Variants in MAPK8IP3 observed in about 807,000 individuals in gnomAD.
MAPK8IP3 encodes mitogen-activated protein kinase 8 interacting protein 3.
Under a neutral mutation model 157.8 loss-of-function variants are expected in MAPK8IP3, and 49 were observed. The ratio of observed to expected loss-of-function variants is 0.31; its 90% CI spans 0.25 to 0.39. The LOEUF (loss-of-function observed/expected upper bound fraction) is 0.39, where lower values mean the gene tolerates loss of function less well. Ranked by LOEUF, MAPK8IP3 falls within the 10% of genes least tolerant of loss-of-function variation. The pLI is 1.00. For missense variants in MAPK8IP3, 1,478 were observed against 1,889.4 expected (o/e 0.78, Z 4.04); for synonymous variants, 897 against 777.7 (o/e 1.15, Z -2.55).
chr16:1,725,149 TTTATTATTATTATTATTA>T (rs71145429), intron 2 of MAPK8IP3, among the ~76,000 whole-genome samples: 4 of 144,468 alleles, frequency 2.8e-5, no homozygotes, highest in South Asian at 4.4e-4. Context: ...GCAGAAAGGG[TTTATTATTATTATTATTA>T]TTATTATTAT....
intron 4 of MAPK8IP3, among the ~76,000 whole-genome samples, 163 bp downstream of exon 4, chr16:1,729,741 G>A (rs1015774809): frequency 6.6e-6 from 1 of 152,164 alleles, no homozygotes; most frequent in Non-Finnish European, 1.5e-5. Context: ...TGGTTGGAGC[G>A]TGGCTGAGCA....
At chr16:1,707,847 C>T (rs944216001) in intron 1 of MAPK8IP3, 3 of 152,168 alleles carry the variant, frequency 2.0e-5, no homozygotes, top group African/African-American at 4.8e-5. Context: ...TCAATTAATT[C>T]GGCTTAACAC....
rs2041868360 is a variant in MAPK8IP3 at position 1,760,454 on chromosome 16, G to A, written c.1379G>A (p.Arg460Lys). Residue 460 changes from arginine to lysine, a missense_variant, in exon 12 of 32, where the codon AGG becomes AAG. By Grantham distance (26) the Arg-to-Lys change is conservative. Around this residue, in one of 11 missense-constraint regions of MAPK8IP3, gnomAD observed 96 missense variants for 106.3 expected, o/e 0.90. Transcript: ENST00000610761. ...DQLSGEQEVL[R>K]GELEAAKQAK... ...CTGTCCGGGGAGCAGGAGGTGCTGA[G>A]GGGCGAGTTGGAGGCTGCTAAGCAG... The A allele has an allele frequency of 1.2e-6, 2 of 1,614,042 alleles. No homozygotes were observed. The highest frequency in any genetic ancestry group is 1.7e-6 in the Non-Finnish European group (2 of 1,179,954).
chr16:1,746,543 G>T, intron 5 of MAPK8IP3: 1 of 163,618 alleles, frequency 6.1e-6, no homozygotes, highest in Non-Finnish European at 1.3e-5. Flanking sequence ...GGGGAGGAAC[G>T]TGGGGCAGGC....
At chr16:1,756,054 C>G (rs1676619361) in intron 8 of MAPK8IP3, among the ~76,000 whole-genome samples, 1 of 152,052 alleles carries the variant, frequency 6.6e-6, no homozygotes, top group Non-Finnish European at 1.5e-5. Context: ...TGGGTGCAGC[C>G]CCACCGAGCA....
chr16:1,716,446 C>G lies in MAPK8IP3; in HGVS notation c.319-8111C>G, dbSNP rs1313287041. Among the ~76,000 whole-genome samples the G allele has an allele frequency of 3.3e-5, 5 of 151,718 alleles. No homozygotes were observed. The East Asian group carries it at 7.9e-4, about 24-fold the overall frequency. On this transcript the variant is annotated intron_variant, in intron 1 of 31. Coordinates refer to ENST00000610761, the MANE Select transcript of MAPK8IP3 (RefSeq NM_001318852.2). Reference sequence around the variant, plus strand: ...CTGAGTAGCTGGGATTACAGGTACGCACCACCACGCCTGGCTAATTTTGGT... The same window carrying G: ...CTGAGTAGCTGGGATTACAGGTACGGACCACCACGCCTGGCTAATTTTGGT...
At position 1,762,986 on chromosome 16, in the gene MAPK8IP3, C is replaced by T. The variant is rs749771848; in HGVS notation, c.1878C>T (p.Pro626=). 4 of 1,612,880 alleles carry T rather than the reference C, an allele frequency of 2.5e-6. No individual in the cohort carries two copies. Among genetic ancestry groups the T allele is most frequent in the Non-Finnish European group, 3.4e-6 (4 of 1,179,976 alleles). The part of the protein sequence containing the change: ...AMCPISAGSR[P]LEFFPDDDCT... Reference sequence around the variant, plus strand: ...GCCCGATCTCGGCAGGCAGCCGGCCCCTGGAATTCTTCCCTGACGAGTGAG... The same window carrying T: ...GCCCGATCTCGGCAGGCAGCCGGCCTCTGGAATTCTTCCCTGACGAGTGAG... The change falls in exon 16 of 32, where the codon CCC becomes CCT. Residue 626 remains proline, a synonymous_variant. Transcript: ENST00000610761.
rs748509881 is a variant in MAPK8IP3 at position 1,765,197 on chromosome 16, C to T, written c.2446+19C>T. The T allele has an allele frequency of 1.3e-5, 21 of 1,576,846 alleles. 1 individual carries two copies. Among genetic ancestry groups the T allele is most frequent in the South Asian group, 5.7e-5 (5 of 88,494 alleles). On this transcript the variant is annotated intron_variant, in intron 20 of 31. Coordinates refer to ENST00000610761, the MANE Select transcript of MAPK8IP3 (RefSeq NM_001318852.2). The stretch of plus-strand genomic sequence containing the variant: ...ATCCCCGGTGAGCAGCTGGAGTGGG[C>T]GTTTCCACTCGGGCGCCACTCCCTT...
chr16:1,718,565 A>T (rs767308661), intron 1 of MAPK8IP3, among the ~76,000 whole-genome samples: 11 of 150,686 alleles, frequency 7.3e-5, no homozygotes, highest in Non-Finnish European at 1.2e-4. Flanking sequence ...AACCCAAGGC[A>T]GGCAGATTCC....
At position 1,767,019 on chromosome 16, in the gene MAPK8IP3, G is replaced by A. The variant is rs377059000; in HGVS notation, c.3088+48G>A. Reference sequence around the variant, plus strand: ...GTGTGGGTGGCAGCTGATGGCCCTGGCATTGTTTAGCCAAGGGGCTCCCGG... The same window carrying A: ...GTGTGGGTGGCAGCTGATGGCCCTGACATTGTTTAGCCAAGGGGCTCCCGG... On this transcript the variant is annotated intron_variant, in intron 25 of 31. Transcript: ENST00000610761. The A allele has an allele frequency of 5.7e-6, 9 of 1,567,032 alleles. No individual in the cohort carries two copies. The African/African-American group carries it at 1.2e-4, about 21-fold the overall frequency.
In MAPK8IP3 at chr16:1,747,458, T is replaced by TG. The variant is rs2041035033; in HGVS notation, c.994+185dup. Among the ~76,000 whole-genome samples the TG allele has an allele frequency of 2.0e-5, 3 of 152,240 alleles. No homozygotes were observed. In the South Asian group the frequency reaches 6.2e-4, roughly 32 times the overall value. On this transcript the variant is annotated intron_variant, in intron 6 of 31. Coordinates refer to ENST00000610761, the MANE Select transcript of MAPK8IP3 (RefSeq NM_001318852.2). ...GTAGGTTCCTCCTGCGGCCACTCCT[T>TG]GGCTTGTAGACACCACCTTCTCCCT...
At position 1,760,385 on chromosome 16, in the gene MAPK8IP3, C is replaced by T; in HGVS notation, c.1310C>T (p.Ala437Val). The T allele has an allele frequency of 1.2e-6, 2 of 1,611,238 alleles. No homozygotes were observed. Among genetic ancestry groups the T allele is most frequent in the Non-Finnish European group, 1.7e-6 (2 of 1,178,064 alleles). Residue 437 changes from alanine (A) to valine (V), a missense_variant, in exon 12 of 32, where the codon GCC becomes GTC. By Grantham distance (64) the Ala-to-Val change is moderately conservative. Around this residue, in one of 11 missense-constraint regions of MAPK8IP3, gnomAD observed 4 missense variants for 22.8 expected, o/e 0.18. Coordinates refer to ENST00000610761, the MANE Select transcript of MAPK8IP3 (RefSeq NM_001318852.2). ...ATCTTTCTGCTTTTTCAAAGAAACG[C>T]CTTGAATGTGGTGAAGAATGACCTG... ...ENSQLLETKN[A>V]LNVVKNDLIA...
chr16:1,736,252 CTG>C (rs1453465748), intron 4 of MAPK8IP3, among the ~76,000 whole-genome samples: 4 of 71,206 alleles, frequency 5.6e-5, no homozygotes, highest in Admixed American at 2.2e-4. Flanking sequence ...GAGCGTGTGA[CTG>C]TCCGTGTGAG....
At chr16:1,711,600 C>T (rs1459699420) in intron 1 of MAPK8IP3, among the ~76,000 whole-genome samples, 1 of 152,182 alleles carries the variant, frequency 6.6e-6, no homozygotes, top group African/African-American at 2.4e-5. Flanking sequence ...CCAGGAGCTG[C>T]ATGGGGTGCC....
intron 4 of MAPK8IP3, among the ~76,000 whole-genome samples, chr16:1,737,505 A>G (rs1184651475): frequency 6.7e-5 from 5 of 74,852 alleles, no homozygotes; most frequent in Non-Finnish European, 5.2e-5. Flanking sequence ...CGTCCGTGTG[A>G]GCGTGTGACC....
intron 1 of MAPK8IP3, among the ~76,000 whole-genome samples, chr16:1,708,438 T>C (rs578069078): frequency 2.0e-5 from 3 of 152,322 alleles, no homozygotes; most frequent in South Asian, 2.1e-4. Flanking sequence ...TTTTTCACCT[T>C]GTACCTGTGT....
At position 1,748,228 on chromosome 16, in the gene MAPK8IP3, C is replaced by T; in HGVS notation, c.995-16C>T. The T allele has an allele frequency of 1.2e-6, 2 of 1,600,624 alleles. No individual in the cohort carries two copies. The highest frequency in any genetic ancestry group is 1.7e-6 in the Non-Finnish European group (2 of 1,168,114). Reference sequence around the variant, plus strand: ...GACCCTCTCCTGACCCCAGGTGCCCCTGTGCTCTCCCCTAGGCATGGGCAG... The same window carrying T: ...GACCCTCTCCTGACCCCAGGTGCCCTTGTGCTCTCCCCTAGGCATGGGCAG... On this transcript the variant is annotated splice_polypyrimidine_tract_variant and intron_variant, in intron 6 of 31. Transcript: ENST00000610761.
intron 8 of MAPK8IP3, among the ~76,000 whole-genome samples, chr16:1,757,229 C>G (rs1277851130): frequency 6.6e-6 from 1 of 152,070 alleles, no homozygotes; most frequent in South Asian, 2.1e-4. Flanking sequence ...CTCAGCCGCC[C>G]GAGTAGCTGG....
At chr16:1,739,681 ACCGT>A (rs532763983) in intron 4 of MAPK8IP3, among the ~76,000 whole-genome samples, 26 of 93,296 alleles carry the variant, frequency 2.8e-4, no homozygotes, top group Non-Finnish European at 4.5e-4. Context: ...CGTGTGAGTG[ACCGT>A]CCGTGTGAGC....
Sources: gnomAD v4.1 joint callset for allele counts (sites outside exome capture counted in the v4.1 genomes callset) on GRCh38, gnomAD v4.1.1 for gene constraint, gnomAD v4.1.1 regional missense constraint, MANE v1.5 for transcripts, NCBI Gene and HGNC (gene_info 2026-07-23, HGNC 2026-07-21) for gene names.